Variants in CRYM observed in about 807,000 individuals in gnomAD.
The protein encoded by CRYM is crystallin mu.
In CRYM, 18 loss-of-function variants were observed where a neutral mutation model predicts 32.9. That is an observed-to-expected ratio of 0.55 (90% confidence interval 0.38 to 0.81). The LOEUF (loss-of-function observed/expected upper bound fraction) is 0.81, where lower values mean the gene tolerates loss of function less well. CRYM is among the 30% of genes least tolerant of loss of function. CRYM has a pLI of 0.00. For missense variants in CRYM, 337 were observed against 393.5 expected (o/e 0.86, Z 1.21); for synonymous variants, 153 against 152.4 (o/e 1.00, Z -0.03).
chr16:21,276,471 C>G (rs1204412612), intron 2 of CRYM, among the ~76,000 whole-genome samples: 1 of 152,126 alleles, frequency 6.6e-6, no homozygotes, highest in Admixed American at 6.5e-5. Flanking sequence ...ATTGTAAGAC[C>G]CAGCTTGGAG....
intron 1 of CRYM, chr16:21,284,001 C>T (rs916942569): frequency 6.6e-6 from 1 of 152,282 alleles, no homozygotes; most frequent in Non-Finnish European, 1.5e-5. Context: ...GCCCTTCCTC[C>T]TTCTGCCTGC....
At chr16:21,270,789 T>A (rs2093373816) in intron 3 of CRYM, among the ~76,000 whole-genome samples, 1 of 152,198 alleles carries the variant, frequency 6.6e-6, no homozygotes, top group Non-Finnish European at 1.5e-5. Flanking sequence ...ACTCTGTTGA[T>A]CTTTTCACTG....
intron 3 of CRYM, among the ~76,000 whole-genome samples, chr16:21,274,875 G>T (rs558005700): frequency 2.0e-5 from 3 of 152,122 alleles, no homozygotes; most frequent in Non-Finnish European, 4.4e-5. Flanking sequence ...CAAAATGTTG[G>T]GATTACAGGC....
intron 1 of CRYM, among the ~76,000 whole-genome samples, chr16:21,290,862 CT>C (rs139565444): frequency 0.017 from 2,521 of 152,172 alleles, 87 homozygotes; most frequent in East Asian, 0.08. Context: ...CACATCTTTG[CT>C]TTTTCATTGG....
chr16:21,274,869 A>T (rs922908190), intron 3 of CRYM, among the ~76,000 whole-genome samples: 2 of 152,054 alleles, frequency 1.3e-5, no homozygotes, highest in Non-Finnish European at 2.9e-5. Flanking sequence ...GCCTCCCAAA[A>T]TGTTGGGATT....
At chr16:21,259,342 A>T (rs1345030186) in intron 7 of CRYM, among the ~76,000 whole-genome samples, 1 of 151,678 alleles carries the variant, frequency 6.6e-6, no homozygotes, top group African/African-American at 2.4e-5. Context: ...TCCTGACCTC[A>T]GGCGATCCGC....
upstream of CRYM, among the ~76,000 whole-genome samples, chr16:21,282,215 C>T (rs561264195): frequency 6.6e-6 from 1 of 152,334 alleles, no homozygotes; most frequent in East Asian, 1.9e-4. Context: ...ACTTGTTCCT[C>T]CTTGCCTTCC....
chr16:21,290,833 C>T (rs1040306601), intron 1 of CRYM, among the ~76,000 whole-genome samples: 8 of 152,152 alleles, frequency 5.3e-5, no homozygotes, highest in African/African-American at 1.9e-4. Flanking sequence ...ACTGTTGAGT[C>T]CTAGGCTACA....
In CRYM at chr16:21,278,129, C is replaced by T. The variant is rs755265147; in HGVS notation, c.123G>A (p.Gly41=). 3.2e-6 allele frequency: 5 copies of T among 1,549,918 alleles called. No homozygotes were observed. In the South Asian group the frequency reaches 5.9e-5, roughly 18 times the overall value. ...CCACGGTGCGCACGGGCTGCATGAC[C>T]CCTCCTTCGGGACCGCTGGAGAAGT... The part of the protein sequence containing the change: ...LANFSSGPEG[G]VMQPVRTVVP... Residue 41 remains glycine (G), a synonymous_variant, in exon 1 of 8, where the codon GGG becomes GGA. Coordinates refer to ENST00000572914, the MANE Select transcript of CRYM (RefSeq NM_001376256.1).
upstream of CRYM, chr16:21,278,803 G>C (rs961636673): frequency 6.5e-6 from 1 of 153,778 alleles, no homozygotes; most frequent in Non-Finnish European, 1.4e-5. Flanking sequence ...ACCCCCAGAT[G>C]TCTGGCCTTT....
chr16:21,289,489 C>T (rs2152864678), intron 1 of CRYM, among the ~76,000 whole-genome samples: 1 of 152,228 alleles, frequency 6.6e-6, no homozygotes, highest in African/African-American at 2.4e-5. Context: ...TTGTAGGTAG[C>T]ATATGGTTGG....
chr16:21,301,514 G>T (rs1055401329), intron 1 of CRYM, among the ~76,000 whole-genome samples: 50 of 152,308 alleles, frequency 3.3e-4, no homozygotes, highest in Admixed American at 1.9e-3. Flanking sequence ...CAGGGAAGAA[G>T]TAACGTTGGG....
chr16:21,273,788 A>T (rs1472315607), intron 3 of CRYM, among the ~76,000 whole-genome samples: 1 of 152,234 alleles, frequency 6.6e-6, no homozygotes, highest in Non-Finnish European at 1.5e-5. Flanking sequence ...AGGGGCTGGA[A>T]ATGAGTTTGA....
chr16:21,285,112 G>A, intron 1 of CRYM, among the ~76,000 whole-genome samples: 1 of 151,982 alleles, frequency 6.6e-6, no homozygotes, highest in Non-Finnish European at 1.5e-5. Context: ...TGTTTTATTT[G>A]GGTTATTTGT....
intron 3 of CRYM, among the ~76,000 whole-genome samples, chr16:21,273,085 TG>T (rs2093379353): frequency 6.6e-6 from 1 of 152,122 alleles, no homozygotes; most frequent in Non-Finnish European, 1.5e-5. Context: ...TTGCATTTGG[TG>T]GACACTCAAA....
rs138677668 is a variant in CRYM, at chr16:21,277,505, C to T, written c.250G>A (p.Gly84Ser). Residue 84 changes from glycine (G) to serine (S), a missense_variant, in exon 2 of 8, where the codon GGC becomes AGC. Transcript: ENST00000572914. This position sits in a 1 kb window ranked among gnomAD's most constrained non-coding sequence, Gnocchi z 4.2. ...TKLVTFYEDR[G>S]ITSVVPSHQA... ...TGGGAAGGGACGACCGAGGTGATGC[C>T]GCGGTCCTCGTAGAAGGTGACCAAC... 8.1e-6 allele frequency: 13 copies of T among 1,613,886 alleles called. No individual in the cohort carries two copies. The African/African-American group carries it at 1.2e-4, about 15-fold the overall frequency.
At chr16:21,280,416 C>T (rs2152863661), upstream of CRYM, among the ~76,000 whole-genome samples, 2 of 152,222 alleles carry the variant, frequency 1.3e-5, 1 homozygote, top group Middle Eastern at 6.8e-3. Flanking sequence ...AAAATAAAAT[C>T]CTATGCCCCC....
intron 1 of CRYM, among the ~76,000 whole-genome samples, chr16:21,292,620 T>C (rs933354519): frequency 1.3e-5 from 2 of 152,194 alleles, no homozygotes; most frequent in Admixed American, 1.3e-4. Context: ...TCCAAAAATA[T>C]ATATTTTCTT....
chr16:21,273,582 C>G lies in CRYM; in HGVS notation c.387+1950G>C, dbSNP rs138000999. On this transcript the variant is annotated intron_variant, in intron 3 of 7. Transcript: ENST00000572914. ...GCATGGGAATTTGAGTTTTTAAAAACTTCCCTAGCTAATGCTGCTGCATAG... is the reference window on the plus strand; with the variant it reads ...GCATGGGAATTTGAGTTTTTAAAAAGTTCCCTAGCTAATGCTGCTGCATAG... 1.3e-5 allele frequency among the ~76,000 whole-genome samples: 2 copies of G among 152,336 alleles called. 1 individual carries two copies. The highest frequency in any genetic ancestry group is 3.9e-4 in the East Asian group (2 of 5,188).
Sources: gnomAD v4.1 joint callset for allele counts (sites outside exome capture counted in the v4.1 genomes callset) on GRCh38, gnomAD v4.1.1 for gene constraint, Gnocchi (gnomAD v3.1) non-coding constraint, MANE v1.5 for transcripts, NCBI Gene and HGNC (gene_info 2026-07-23, HGNC 2026-07-21) for gene names.